BMP2: variants seen among roughly 807,000 people sequenced by gnomAD.
BMP2 encodes bone morphogenetic protein 2A.
A neutral mutation model predicts 28.8 loss-of-function variants in BMP2; 2 were observed. The observed-to-expected ratio is 0.07, with a 90% CI of 0.03 to 0.22. BMP2 has a LOEUF of 0.22. Ranked by LOEUF, BMP2 falls within the 10% of genes least tolerant of loss-of-function variation. BMP2 has a pLI of 1.00. For missense variants in BMP2, 437 were observed against 517.7 expected (o/e 0.84, Z 1.51); for synonymous variants, 218 against 204.3 (o/e 1.07, Z -0.57).
Position 6,775,999 on chromosome 20 carries a change from T to G in BMP2, c.347-2246T>G, listed in dbSNP as rs553685025. ...GATGTATTCTTATCAGATAAGCCAG[T>G]AGCTCAGGTGCTGGTCTGGCTTTGG... is the stretch of plus-strand genomic sequence containing the variant. On this transcript the variant is annotated intron_variant, in intron 2 of 2. Coordinates refer to ENST00000378827, the MANE Select transcript of BMP2 (RefSeq NM_001200.4). Among the ~76,000 whole-genome samples the G allele has an allele frequency of 8.1e-4, 123 of 152,308 alleles. 1 individual carries two copies. The South Asian group carries it at 0.022, about 27-fold the overall frequency.
At position 6,768,642 on chromosome 20, in the gene BMP2, C is replaced by T. The variant is rs1291619221; in HGVS notation, c.-241C>T. On this transcript the variant is annotated 5_prime_UTR_variant, in exon 1 of 3. Coordinates refer to ENST00000378827, the MANE Select transcript of BMP2 (RefSeq NM_001200.4). ...CTTTGCCCCAGCGGAGCCTGCTTCG[C>T]CATCTCCGAGCCCCACCGCCCCTCC... 13 of 396,244 alleles carry T rather than the reference C, an allele frequency of 3.3e-5. No homozygotes were observed. Among genetic ancestry groups the T allele is most frequent in the Non-Finnish European group, 4.9e-5 (11 of 224,986 alleles). The allele number at this position is 396,244 out of a possible 1,614,324, so 24.5% of individuals were successfully genotyped here.
chr20:6,770,374 A>G lies in BMP2; in HGVS notation c.248A>G (p.Tyr83Cys), dbSNP rs1175971832. The stretch of plus-strand genomic sequence containing the variant: ...GTGCCCCCCTACATGCTAGACCTGT[A>G]TCGCAGGCACTCAGGTCAGCCGGGC... ...AVVPPYMLDL[Y>C]RRHSGQPGSP... The change falls in exon 2 of 3, where the codon TAT becomes TGT. Residue 83 changes from tyrosine to cysteine, a missense_variant. Physicochemically the swap from Tyr to Cys is radical, Grantham distance 194. This residue lies in a region of BMP2 where 363 missense variants were observed against 392.8 expected (regional missense o/e 0.92). Transcript: ENST00000378827. 6 of 1,613,186 alleles carry G rather than the reference A, an allele frequency of 3.7e-6. No homozygotes were observed. The highest frequency in any genetic ancestry group is 4.2e-6 in the Non-Finnish European group (5 of 1,179,964).
At chr20:6,773,965 A>G (rs373365530) in intron 2 of BMP2, among the ~76,000 whole-genome samples, 4 of 152,244 alleles carry the variant, frequency 2.6e-5, no homozygotes, top group East Asian at 3.9e-4. Context: ...AAAACTTACC[A>G]TACTTTATTT....
intron 2 of BMP2, among the ~76,000 whole-genome samples, chr20:6,777,636 G>A (rs1600172846): frequency 6.6e-6 from 1 of 152,120 alleles, no homozygotes; most frequent in Non-Finnish European, 1.5e-5. Flanking sequence ...CCCTGTAAAT[G>A]CCTTTGTCTC....
intron 1 of BMP2, among the ~76,000 whole-genome samples, chr20:6,769,136 G>A (rs1234601210): frequency 6.6e-6 from 1 of 152,010 alleles, no homozygotes; most frequent in Non-Finnish European, 1.5e-5. Context: ...ACTTAGATGA[G>A]GTGTTTTATT....
chr20:6,772,448 A>T (rs1986418532), intron 2 of BMP2, among the ~76,000 whole-genome samples: 1 of 152,168 alleles, frequency 6.6e-6, no homozygotes, highest in African/African-American at 2.4e-5. Flanking sequence ...ATCATCCTTA[A>T]TCTGGATGGA....
rs1422343920 is a variant in BMP2, at chr20:6,768,021, C to T, written c.-862C>T. ...GGACTCCGGAGCCGATCCCTAGCGC[C>T]GCGATGCGGAGCACCTACTGCAGGA... On this transcript the variant is annotated 5_prime_UTR_variant, in exon 1 of 3. Coordinates refer to ENST00000378827, the MANE Select transcript of BMP2 (RefSeq NM_001200.4). 6 of 397,898 alleles carry T rather than the reference C, an allele frequency of 1.5e-5. No individual in the cohort carries two copies. Among genetic ancestry groups the T allele is most frequent in the Non-Finnish European group, 8.9e-6 (2 of 225,684 alleles). The allele number at this position is 397,898 out of a possible 1,614,324, so 24.6% of individuals were successfully genotyped here.
rs867523846 is a variant in BMP2, at chr20:6,770,136, G to A, written c.10G>A (p.Gly4Arg). MVA[G>R]TRCLLALLLP... ...TGTCCGCAGGTCGACCATGGTGGCCGGGACCCGCTGTCTTCTAGCGTTGCT... is the reference window on the plus strand; with the variant it reads ...TGTCCGCAGGTCGACCATGGTGGCCAGGACCCGCTGTCTTCTAGCGTTGCT... Residue 4 changes from glycine to arginine, a missense_variant, in exon 2 of 3, where the codon GGG becomes AGG. Around this residue, in one of 2 missense-constraint regions of BMP2, gnomAD observed 363 missense variants for 392.8 expected, o/e 0.92. Coordinates refer to ENST00000378827, the MANE Select transcript of BMP2 (RefSeq NM_001200.4). 2 of 1,547,568 alleles carry A rather than the reference G, an allele frequency of 1.3e-6. No individual in the cohort carries two copies. The highest frequency in any genetic ancestry group is 1.7e-6 in the Non-Finnish European group (2 of 1,146,428).
Position 6,778,224 on chromosome 20 carries a change from T to C in BMP2, c.347-21T>C. 1.3e-6 allele frequency: 2 copies of C among 1,555,090 alleles called. No individual in the cohort carries two copies. The highest frequency in any genetic ancestry group is 1.7e-6 in the Non-Finnish European group (2 of 1,156,722). On this transcript the variant is annotated intron_variant, in intron 2 of 2. Transcript: ENST00000378827. The surrounding 1 kb of genome is among the most constrained non-coding windows in gnomAD (Gnocchi z 5.0). ...ATTCAGACTTTTCTTTTTTCTTCCC[T>C]GTTTTTCTCTATCAAATTAGAATCT...
At chr20:6,777,355 T>C (rs1306556086) in intron 2 of BMP2, among the ~76,000 whole-genome samples, 1 of 152,100 alleles carries the variant, frequency 6.6e-6, no homozygotes, top group Non-Finnish European at 1.5e-5. Context: ...TTTTTATTAT[T>C]TTTTTGGTTT....
chr20:6,778,618 C>T lies in BMP2; in HGVS notation c.720C>T (p.Ser240=). ...ACTTGGAGGAGAAACAAGGTGTCTCCAAGAGACATGTTAGGATAAGCAGGT... is the reference window on the plus strand; with the variant it reads ...ACTTGGAGGAGAAACAAGGTGTCTCTAAGAGACATGTTAGGATAAGCAGGT... ...VAHLEEKQGV[S]KRHVRISRSL... Residue 240 remains serine (S), a synonymous_variant, in exon 3 of 3, where the codon TCC becomes TCT. Transcript: ENST00000378827. The surrounding 1 kb of genome is among the most constrained non-coding windows in gnomAD (Gnocchi z 5.0). 22 of 1,613,952 alleles carry T rather than the reference C, an allele frequency of 1.4e-5. No homozygotes were observed. Among genetic ancestry groups the T allele is most frequent in the Non-Finnish European group, 1.7e-5 (20 of 1,179,948 alleles).
chr20:6,767,800 C>T lies in BMP2; in HGVS notation c.-1083C>T, dbSNP rs1237930352. 6.5e-6 allele frequency: 2 copies of T among 309,250 alleles called. No individual in the cohort carries two copies. Among genetic ancestry groups the T allele is most frequent in the Non-Finnish European group, 1.2e-5 (2 of 169,710 alleles). The allele number at this position is 309,250 out of a possible 1,614,324, so 19.2% of individuals were successfully genotyped here. On this transcript the variant is annotated 5_prime_UTR_variant, in exon 1 of 3. Coordinates refer to ENST00000378827, the MANE Select transcript of BMP2 (RefSeq NM_001200.4). ...CGCCGGGGACTGGCAGCCGCCGCCGCACATCTGCCGCCACAGCCTCCGCCG... is the reference window on the plus strand; with the variant it reads ...CGCCGGGGACTGGCAGCCGCCGCCGTACATCTGCCGCCACAGCCTCCGCCG...
In BMP2 at chr20:6,777,986, A is replaced by G. The variant is rs1406484974; in HGVS notation, c.347-259A>G. The stretch of plus-strand genomic sequence containing the variant: ...GGAAGCAGTATTCATGTATTAGATC[A>G]AAAACACAACAAAGAATTATGAAAG... On this transcript the variant is annotated intron_variant, in intron 2 of 2. Coordinates refer to ENST00000378827, the MANE Select transcript of BMP2 (RefSeq NM_001200.4). Among the ~76,000 whole-genome samples the G allele has an allele frequency of 2.0e-5, 3 of 152,142 alleles. No individual in the cohort carries two copies. The East Asian group carries it at 5.8e-4, about 29-fold the overall frequency.
intron 2 of BMP2, among the ~76,000 whole-genome samples, chr20:6,771,624 G>A (rs189753178): frequency 1.1e-4 from 16 of 152,312 alleles, no homozygotes; most frequent in Admixed American, 7.8e-4. Context: ...TTATACTTGT[G>A]AGAGTATTTG....
rs1210164682 is a variant in BMP2, at chr20:6,768,254, G to A, written c.-629G>A. On this transcript the variant is annotated 5_prime_UTR_variant, in exon 1 of 3. Transcript: ENST00000378827. ...CTTTCAACTGGCGAGCGCGAATGGG[G>A]GTGCACTGGAGTAAGGCAGAGTGAT... 7.5e-6 allele frequency: 3 copies of A among 398,092 alleles called. No individual in the cohort carries two copies. Among genetic ancestry groups the A allele is most frequent in the African/African-American group, 4.1e-5 (2 of 48,600 alleles). The allele number at this position is 398,092 out of a possible 1,614,324, so 24.7% of individuals were successfully genotyped here. A position where few individuals can be genotyped will look rare whatever the true frequency, so the allele number is the denominator to read the frequency against.
At chr20:6,769,427 C>T (rs1986338930) in intron 1 of BMP2, among the ~76,000 whole-genome samples, 2 of 152,044 alleles carry the variant, frequency 1.3e-5, no homozygotes, top group South Asian at 4.1e-4. Flanking sequence ...ACAGCTGACA[C>T]GTGCATTAAT....
In BMP2 at chr20:6,768,187, G is replaced by A. The variant is rs963829188; in HGVS notation, c.-696G>A. The A allele has an allele frequency of 1.8e-5, 7 of 398,176 alleles. No homozygotes were observed. Among genetic ancestry groups the A allele is most frequent in the Admixed American group, 8.8e-5 (2 of 22,700 alleles). 24.7% of individuals were successfully genotyped at this position (398,176 alleles called of 1,614,324 possible). Reference sequence around the variant, plus strand: ...GGCCCGGGACTCGGCTCGACTCGCCGGAGAATGCGCCCGAGGACGACGGGG... The same window carrying A: ...GGCCCGGGACTCGGCTCGACTCGCCAGAGAATGCGCCCGAGGACGACGGGG... On this transcript the variant is annotated 5_prime_UTR_variant, in exon 1 of 3. Coordinates refer to ENST00000378827, the MANE Select transcript of BMP2 (RefSeq NM_001200.4).
At chr20:6,771,253 A>G (rs1986393022) in intron 2 of BMP2, among the ~76,000 whole-genome samples, 1 of 151,798 alleles carries the variant, frequency 6.6e-6, no homozygotes, top group Non-Finnish European at 1.5e-5. Context: ...TGCTTGTTTC[A>G]TCAGAAGGGC....
chr20:6,778,225 G>A lies in BMP2; in HGVS notation c.347-20G>A. 6.4e-7 allele frequency: 1 copy of A among 1,556,816 alleles called. No homozygotes were observed. The highest frequency in any genetic ancestry group is 8.6e-7 in the Non-Finnish European group (1 of 1,157,222). ...TTCAGACTTTTCTTTTTTCTTCCCT[G>A]TTTTTCTCTATCAAATTAGAATCTT... On this transcript the variant is annotated intron_variant, in intron 2 of 2. Transcript: ENST00000378827. The surrounding 1 kb of genome is among the most constrained non-coding windows in gnomAD (Gnocchi z 5.0).
Sources: allele counts gnomAD v4.1 joint callset (sites outside exome capture counted in the v4.1 genomes callset), GRCh38; gene constraint gnomAD v4.1.1; regional missense constraint gnomAD v4.1.1; non-coding constraint Gnocchi (gnomAD v3.1); transcripts MANE v1.5; gene names NCBI Gene and HGNC (gene_info 2026-07-23, HGNC 2026-07-21).